MDGA2: variants seen among roughly 807,000 people sequenced by gnomAD.
The protein encoded by MDGA2 is MAM domain-containing glycosylphosphatidylinositol anchor protein 2.
In MDGA2, 40 loss-of-function variants were observed where a neutral mutation model predicts 117.8. The observed-to-expected ratio is 0.34, with a 90% CI of 0.26 to 0.44. The LOEUF (loss-of-function observed/expected upper bound fraction) is 0.44, where lower values mean the gene tolerates loss of function less well. Ranked by LOEUF, MDGA2 falls within the 20% of genes least tolerant of loss-of-function variation. The probability of loss-of-function intolerance (pLI) is 1.00; values close to 1 mark genes in which losing one functional copy is unlikely to be tolerated. For missense variants in MDGA2, 1,123 were observed against 1,250.6 expected (o/e 0.90, Z 1.54); for synonymous variants, 452 against 439.0 (o/e 1.03, Z -0.37).
chr14:47,145,151 C>G (rs1882889645), intron 3 of MDGA2, among the ~76,000 whole-genome samples: 1 of 152,066 alleles, frequency 6.6e-6, no homozygotes, highest in Middle Eastern at 3.4e-3. Flanking sequence ...ACTCCTGTTT[C>G]TATTACTGGA....
At chr14:46,847,044 G>C (rs1433463607) in intron 15 of MDGA2, among the ~76,000 whole-genome samples, 1 of 152,018 alleles carries the variant, frequency 6.6e-6, no homozygotes, top group East Asian at 1.9e-4. Flanking sequence ...GAAAGCCATA[G>C]CTTAATTATG....
chr14:47,374,934 A>G (rs569950192), intron 1 of MDGA2, among the ~76,000 whole-genome samples: 3 of 152,134 alleles, frequency 2.0e-5, no homozygotes, highest in South Asian at 2.1e-4. Context: ...CCCTACAACT[A>G]ATCATTTACT....
intron 3 of MDGA2, among the ~76,000 whole-genome samples, chr14:47,159,939 C>A (rs1318714344): frequency 2.0e-5 from 3 of 152,112 alleles, no homozygotes; most frequent in Admixed American, 6.5e-5. Context: ...ATATGACTGT[C>A]TTTTCTTGCA....
intron 2 of MDGA2, among the ~76,000 whole-genome samples, chr14:47,229,092 C>T (rs1886602890): frequency 1.3e-5 from 2 of 152,102 alleles, no homozygotes; most frequent in South Asian, 4.1e-4. Flanking sequence ...AGATGCCAGC[C>T]AAAGGCTAAC....
At chr14:47,364,616 TA>T (rs1891193591) in intron 1 of MDGA2, among the ~76,000 whole-genome samples, 1 of 152,208 alleles carries the variant, frequency 6.6e-6, no homozygotes, top group Non-Finnish European at 1.5e-5. Context: ...GATAACCAAA[TA>T]AGCACCAAAT....
chr14:46,873,268 G>C (rs1433613563), intron 14 of MDGA2, 165 bp downstream of exon 14: 1 of 564,070 alleles, frequency 1.8e-6, no homozygotes, highest in Non-Finnish European at 2.9e-6. Flanking sequence ...TTAGATGGTG[G>C]GAAAAAATTC....
intron 8 of MDGA2, among the ~76,000 whole-genome samples, chr14:46,993,625 CTAATTTTTGTATTTTCAG>C (rs1482415789): frequency 6.6e-6 from 1 of 151,882 alleles, no homozygotes; most frequent in African/African-American, 2.4e-5. Context: ...CCACGCCCAG[CTAATTTTTGTATTTTCAG>C]TAGAGACGGG....
At chr14:47,641,244 T>G (rs566305991) in intron 1 of MDGA2, among the ~76,000 whole-genome samples, 1 of 152,266 alleles carries the variant, frequency 6.6e-6, no homozygotes, top group South Asian at 2.1e-4. Context: ...GCTTGATTCC[T>G]AAATGACCAC....
chr14:47,276,610 A>T (rs902137615), intron 2 of MDGA2, among the ~76,000 whole-genome samples: 32 of 125,872 alleles, frequency 2.5e-4, no homozygotes, highest in African/African-American at 8.2e-4. Context: ...TATCTCTGAT[A>T]AAAAAAATTC....
chr14:47,266,347 G>A (rs72680267), intron 2 of MDGA2, among the ~76,000 whole-genome samples: 1 of 151,980 alleles, frequency 6.6e-6, no homozygotes, highest in Non-Finnish European at 1.5e-5. Flanking sequence ...AAATCCCATA[G>A]GCTATACTTC....
intron 2 of MDGA2, among the ~76,000 whole-genome samples, chr14:47,268,672 T>G (rs867760834): frequency 6.6e-6 from 1 of 152,182 alleles, no homozygotes; most frequent in South Asian, 2.1e-4. Context: ...GCCAAAACCT[T>G]ATAATTATGT....
intron 10 of MDGA2, among the ~76,000 whole-genome samples, chr14:46,891,932 G>A (rs906376395): frequency 6.6e-6 from 1 of 151,618 alleles, no homozygotes; most frequent in African/African-American, 2.4e-5. Flanking sequence ...AATGTGTTAT[G>A]TAGTAGAAGT....
rs978656113 is a variant in MDGA2, at chr14:47,496,220, T to C, written c.280+178297A>G. ...GTGGAAGAAGGAAAAATAATATCTT[T>C]TGTACCTATCCATATGCTTACAAAA... is the stretch of plus-strand genomic sequence containing the variant. On this transcript the variant is annotated intron_variant, in intron 1 of 16. Transcript: ENST00000399232. 5.3e-5 allele frequency among the ~76,000 whole-genome samples: 8 copies of C among 152,294 alleles called. No individual in the cohort carries two copies. In the East Asian group the frequency reaches 5.8e-4, roughly 11 times the overall value.
rs118183429 is a variant in MDGA2, at chr14:47,477,377, G to A, written c.281-175827C>T. Among the ~76,000 whole-genome samples the A allele has an allele frequency of 2.0e-3, 298 of 152,180 alleles. 2 individuals carry two copies. In the East Asian group the frequency reaches 0.043, roughly 22 times the overall value. ...TAATATCTTTGGAACCTAAAGTAGTGTCAAGTAGAAAGTAATTCATTGTGA... is the reference window on the plus strand; with the variant it reads ...TAATATCTTTGGAACCTAAAGTAGTATCAAGTAGAAAGTAATTCATTGTGA... On this transcript the variant is annotated intron_variant, in intron 1 of 16. Coordinates refer to ENST00000399232, the MANE Select transcript of MDGA2 (RefSeq NM_001113498.3).
chr14:46,962,620 T>C (rs922663604), intron 8 of MDGA2, among the ~76,000 whole-genome samples: 2 of 149,448 alleles, frequency 1.3e-5, no homozygotes, highest in Admixed American at 6.8e-5. Context: ...TAATATTAAT[T>C]TTACAATATT....
chr14:47,221,421 G>A (rs1886295210), intron 2 of MDGA2, among the ~76,000 whole-genome samples: 1 of 152,202 alleles, frequency 6.6e-6, no homozygotes, highest in African/African-American at 2.4e-5. Flanking sequence ...GGGCACGGTG[G>A]CTCACGCCTG....
intron 1 of MDGA2, among the ~76,000 whole-genome samples, chr14:47,412,733 C>T (rs1272463070): frequency 6.6e-6 from 1 of 152,214 alleles, no homozygotes; most frequent in Non-Finnish European, 1.5e-5. Flanking sequence ...TCACCAACAT[C>T]AGCTTCATTT....
intron 7 of MDGA2, among the ~76,000 whole-genome samples, chr14:47,040,002 CATA>C (rs1245317578): frequency 2.6e-5 from 4 of 151,996 alleles, no homozygotes; most frequent in African/African-American, 9.7e-5. Context: ...ATATGTATCC[CATA>C]ATATCATGTT....
intron 1 of MDGA2, among the ~76,000 whole-genome samples, chr14:47,320,739 T>C (rs922259964): frequency 5.9e-5 from 9 of 152,290 alleles, no homozygotes; most frequent in African/African-American, 2.2e-4. Flanking sequence ...AACTTACATA[T>C]AGTAAACTTA....
Sources: allele counts gnomAD v4.1 joint callset (sites outside exome capture counted in the v4.1 genomes callset), GRCh38; gene constraint gnomAD v4.1.1; transcripts MANE v1.5; gene names NCBI Gene and HGNC (gene_info 2026-07-23, HGNC 2026-07-21).